The following DCDC2 variants were observed in gnomAD, a reference collection of about 807,000 sequenced individuals.
DCDC2 encodes the protein doublecortin domain containing 2, also known as doublecortin domain-containing protein 2.
Under a neutral mutation model 50.2 loss-of-function variants are expected in DCDC2, and 40 were observed. That is an observed-to-expected ratio of 0.80 (90% confidence interval 0.62 to 1.04). DCDC2 has a LOEUF of 1.04. DCDC2 is among the 50% of genes least tolerant of loss of function. The pLI is 0.00. For synonymous variants in DCDC2, 234 were observed against 210.6 expected, an observed-to-expected ratio of 1.11 and a Z score of -0.96; for missense variants, 570 against 581.9, an observed-to-expected ratio of 0.98 and a Z score of 0.21.
intron 7 of DCDC2, among the ~76,000 whole-genome samples, chr6:24,268,175 C>G (rs1272183646): frequency 3.3e-5 from 5 of 152,094 alleles, no homozygotes; most frequent in Non-Finnish European, 1.5e-5. Flanking sequence ...AACTCATTAC[C>G]AGAAGCATAT....
chr6:24,178,436 C>A lies in DCDC2; in HGVS notation c.1220G>T (p.Gly407Val), dbSNP rs149268081. The change falls in exon 9 of 10, where the codon GGC becomes GTC. Residue 407 changes from glycine to valine, a missense_variant. Transcript: ENST00000378454. Reference sequence around the variant, plus strand: ...CTCCTCACCATTCTCCTCATCGGTGCCTCCATTTACACGAGCAGGGCGTGC... The same window carrying A: ...CTCCTCACCATTCTCCTCATCGGTGACTCCATTTACACGAGCAGGGCGTGC... ...QQARPARVNG[G>V]TDEENGEELQ... 1.5e-5 allele frequency: 25 copies of A among 1,614,176 alleles called. No homozygotes were observed. In the African/African-American group the frequency reaches 3.1e-4, roughly 20 times the overall value.
intron 7 of DCDC2, among the ~76,000 whole-genome samples, chr6:24,244,244 C>A (rs1762623588): frequency 6.6e-6 from 1 of 152,176 alleles, no homozygotes; most frequent in African/African-American, 2.4e-5. Flanking sequence ...GAAATAGTGA[C>A]CTTCCGGGTT....
At chr6:24,338,176 T>C (rs1026995965) in intron 2 of DCDC2, among the ~76,000 whole-genome samples, 2 of 152,220 alleles carry the variant, frequency 1.3e-5, no homozygotes, top group African/African-American at 4.8e-5. Context: ...TTATATCATC[T>C]TTGTAAAGTA....
chr6:24,177,585 T>C lies in DCDC2; in HGVS notation c.1326+745A>G, dbSNP rs567727838. On this transcript the variant is annotated intron_variant, in intron 9 of 9. Coordinates refer to ENST00000378454, the MANE Select transcript of DCDC2 (RefSeq NM_016356.5). The stretch of plus-strand genomic sequence containing the variant: ...GGTGAGAATGTTATGGAGAACATCC[T>C]GCCTCTTATGCTGTGAGACTCAACT... 4.8e-4 allele frequency among the ~76,000 whole-genome samples: 73 copies of C among 152,334 alleles called. 1 individual carries two copies. The highest frequency in any genetic ancestry group is 1.7e-3 in the African/African-American group (71 of 41,582).
chr6:24,185,651 C>T (rs1186599373), intron 8 of DCDC2, among the ~76,000 whole-genome samples: 1 of 149,928 alleles, frequency 6.7e-6, no homozygotes, highest in Non-Finnish European at 1.5e-5. Flanking sequence ...AAATCATCCC[C>T]AGAAGGAACA....
chr6:24,204,285 C>A (rs913646511), intron 8 of DCDC2, among the ~76,000 whole-genome samples: 2 of 152,152 alleles, frequency 1.3e-5, no homozygotes, highest in African/African-American at 4.8e-5. Flanking sequence ...GGAACATATA[C>A]ACCACGGAAT....
chr6:24,294,174 T>C (rs1264651961), intron 4 of DCDC2, among the ~76,000 whole-genome samples: 1 of 151,956 alleles, frequency 6.6e-6, no homozygotes, highest in Non-Finnish European at 1.5e-5. Context: ...CTGGGCAACA[T>C]AGTGAAACCC....
At chr6:24,307,409 T>C (rs568164432) in intron 2 of DCDC2, among the ~76,000 whole-genome samples, 1 of 152,330 alleles carries the variant, frequency 6.6e-6, no homozygotes, top group East Asian at 1.9e-4. Context: ...GTCCATGAGA[T>C]AGGCATTTTT....
chr6:24,226,605 A>T (rs1762239524), intron 7 of DCDC2, among the ~76,000 whole-genome samples: 1 of 152,258 alleles, frequency 6.6e-6, no homozygotes, highest in South Asian at 2.1e-4. Flanking sequence ...AATTTGTGAC[A>T]GTGTCAAGAA....
At chr6:24,349,481 GTGCTGGTAAAGGCATCACACA>G in intron 2 of DCDC2, among the ~76,000 whole-genome samples, 1 of 152,336 alleles carries the variant, frequency 6.6e-6, no homozygotes, top group South Asian at 2.1e-4. Context: ...GCAAGAGTAA[GTGCTGGTAAAGGCATCACACA>G]TGCAGAATCA....
chr6:24,184,864 G>C (rs1761156334), intron 8 of DCDC2, among the ~76,000 whole-genome samples: 1 of 152,032 alleles, frequency 6.6e-6, no homozygotes, highest in Non-Finnish European at 1.5e-5. Flanking sequence ...GAACAACTTT[G>C]TTTTAGTTTT....
At chr6:24,215,451 G>T (rs943469271) in intron 7 of DCDC2, among the ~76,000 whole-genome samples, 1 of 152,238 alleles carries the variant, frequency 6.6e-6, no homozygotes, top group East Asian at 1.9e-4. Flanking sequence ...AAACAGAGTT[G>T]CCTGGACAGA....
At chr6:24,371,241 C>G in the DCDC2 span, among the ~76,000 whole-genome samples, 1 of 136,598 alleles carries the variant, frequency 7.3e-6, no homozygotes, top group Non-Finnish European at 1.5e-5. Context: ...CGCGCCATTG[C>G]ACTCCAGCCT....
At chr6:24,225,012 T>C (rs1762199057) in intron 7 of DCDC2, among the ~76,000 whole-genome samples, 1 of 152,126 alleles carries the variant, frequency 6.6e-6, no homozygotes, top group African/African-American at 2.4e-5. Flanking sequence ...TCCATCAGAT[T>C]GGTGCTTTAG....
chr6:24,216,772 C>T (rs1179821751), intron 7 of DCDC2, among the ~76,000 whole-genome samples: 1 of 152,224 alleles, frequency 6.6e-6, no homozygotes, highest in Non-Finnish European at 1.5e-5. Context: ...TAAACAATTC[C>T]CATTCACTCA....
intron 9 of DCDC2, among the ~76,000 whole-genome samples, chr6:24,175,251 T>C (rs9467063): frequency 0.14 from 21,770 of 152,194 alleles, 4,084 homozygotes; most frequent in African/African-American, 0.44. Context: ...GTTGTGAATA[T>C]GGTACCAAGT....
At chr6:24,335,299 T>C (rs1251812810) in intron 2 of DCDC2, among the ~76,000 whole-genome samples, 2 of 152,214 alleles carry the variant, frequency 1.3e-5, no homozygotes, top group African/African-American at 4.8e-5. Flanking sequence ...TAGGATGCGA[T>C]AACTAAAGAG....
Position 24,357,477 on chromosome 6 carries a change from C to G in DCDC2, c.274G>C (p.Glu92Gln). ...ACTCACTTGAGTTTCTTGAAGGCTT[C>G]CTGGCCTCCAGCCACGTAATTGCCC... ...SGGNYVAGGQ[E>Q]AFKKLNYLDI... Residue 92 changes from glutamate (E) to glutamine (Q), a missense_variant, in exon 1 of 10, where the codon GAA (glutamate) becomes CAA (glutamine). Transcript: ENST00000378454. 6.2e-7 allele frequency: 1 copy of G among 1,607,900 alleles called. No homozygotes were observed.
chr6:24,266,799 T>G (rs1223973199), intron 7 of DCDC2, among the ~76,000 whole-genome samples: 1 of 152,206 alleles, frequency 6.6e-6, no homozygotes, highest in Non-Finnish European at 1.5e-5. Flanking sequence ...GTAATCCCAC[T>G]GCTAGGGATA....
Sources: gnomAD v4.1 joint callset for allele counts (sites outside exome capture counted in the v4.1 genomes callset) on GRCh38, gnomAD v4.1.1 for gene constraint, MANE v1.5 for transcripts, NCBI Gene and HGNC (gene_info 2026-07-23, HGNC 2026-07-21) for gene names.